ALKBH5: variants seen among roughly 807,000 people sequenced by gnomAD.
The protein encoded by ALKBH5 is RNA demethylase ALKBH5.
ALKBH5 carries 2 observed loss-of-function variants against 32.1 expected under a neutral mutation model. The observed-to-expected ratio is 0.06, with a 90% confidence interval of 0.03 to 0.20. ALKBH5 has a LOEUF of 0.20. Ranked by LOEUF, ALKBH5 falls within the 10% of genes least tolerant of loss-of-function variation. The pLI, the probability that ALKBH5 is intolerant of heterozygous loss-of-function variation, is 1.00. For synonymous variants in ALKBH5, 300 were observed against 231.7 expected (o/e 1.29, Z -2.68); for missense variants, 352 against 559.5 (o/e 0.63, Z 3.74).
At chr17:18,192,970 T>C (rs757903122) in intron 1 of ALKBH5, among the ~76,000 whole-genome samples, 1 of 149,880 alleles carries the variant, frequency 6.7e-6, no homozygotes, top group African/African-American at 2.5e-5. Context: ...GCGATTCTCC[T>C]GCCTCAGCCT....
chr17:18,209,480 C>T lies in ALKBH5; in HGVS notation c.*1084C>T, dbSNP rs1023975723. ...GGCCTGCAGACTGGGCTGGTGCCTCCTCCGCTTCAGGGTATGGGAGTTGGT... is the reference window on the plus strand; with the variant it reads ...GGCCTGCAGACTGGGCTGGTGCCTCTTCCGCTTCAGGGTATGGGAGTTGGT... On this transcript the variant is annotated 3_prime_UTR_variant, in exon 4 of 4. Coordinates refer to ENST00000399138, the MANE Select transcript of ALKBH5 (RefSeq NM_017758.4). 2.0e-5 allele frequency: 3 copies of T among 152,576 alleles called. No homozygotes were observed. Among genetic ancestry groups the T allele is most frequent in the East Asian group, 1.9e-4 (1 of 5,186 alleles). The allele number at this position is 152,576 out of a possible 1,614,324, so 9.5% of individuals were successfully genotyped here. A position where few individuals can be genotyped will look rare whatever the true frequency, so the allele number is the denominator to read the frequency against.
In ALKBH5 at chr17:18,208,432, C is replaced by G. The variant is rs1293669511; in HGVS notation, c.*36C>G. On this transcript the variant is annotated 3_prime_UTR_variant, in exon 4 of 4. Transcript: ENST00000399138. ...CGCCCTCCTGGGAACTCTGGCTCATCCTTACGTAGTTGCCCCTCCTTTTGT... is the reference window on the plus strand; with the variant it reads ...CGCCCTCCTGGGAACTCTGGCTCATGCTTACGTAGTTGCCCCTCCTTTTGT... 1.2e-6 allele frequency: 2 copies of G among 1,604,844 alleles called. No homozygotes were observed. Among genetic ancestry groups the G allele is most frequent in the African/African-American group, 1.4e-5 (1 of 73,976 alleles).
rs186522041 is a variant in ALKBH5 at position 18,189,161 on chromosome 17, A to T, written c.770+4148A>T. 2.1e-3 allele frequency among the ~76,000 whole-genome samples: 322 copies of T among 152,252 alleles called. 1 individual carries two copies. Among genetic ancestry groups the T allele is most frequent in the African/African-American group, 7.2e-3 (300 of 41,552 alleles). ...GGGAGGCCGAGGTGGGTGGATCACG[A>T]GGTCAGGACATCGAGACCATCCTGG... On this transcript the variant is annotated intron_variant, in intron 1 of 3. Coordinates refer to ENST00000399138, the MANE Select transcript of ALKBH5 (RefSeq NM_017758.4).
intron 1 of ALKBH5, 35 bp from the exon 2 acceptor site, chr17:18,194,920 C>T: frequency 6.2e-7 from 1 of 1,605,846 alleles, no homozygotes; most frequent in Non-Finnish European, 8.5e-7. Context: ...TGTCTGTCTA[C>T]TCTTCATGGT....
Position 18,206,851 on chromosome 17 carries a change from C to G in ALKBH5, c.888C>G (p.Ser296=). 6.2e-7 allele frequency: 1 copy of G among 1,614,220 alleles called. No homozygotes were observed. The highest frequency in any genetic ancestry group is 8.5e-7 in the Non-Finnish European group (1 of 1,180,034). Residue 296 remains serine (S), a synonymous_variant, in exon 3 of 4, where the codon TCC becomes TCG. Transcript: ENST00000399138. ...ATGCACCCCGGTTGGAAACAAAGTCCCTGAGCAGCTCCGTGTTACCACCCA... is the reference window on the plus strand; with the variant it reads ...ATGCACCCCGGTTGGAAACAAAGTCGCTGAGCAGCTCCGTGTTACCACCCA... ...RLDAPRLETK[S]LSSSVLPPSY...
In ALKBH5 at chr17:18,205,547, T is replaced by C. The variant is rs542033478; in HGVS notation, c.852-1268T>C. 1.4e-3 allele frequency among the ~76,000 whole-genome samples: 218 copies of C among 152,380 alleles called. 2 individuals are homozygous for C. The South Asian group carries it at 0.025, about 17-fold the overall frequency. ...TTAGGAGAGAGATTTCCTACCCACG[T>C]TCAGAGTAACTCTTGCCTGTCAGGC... On this transcript the variant is annotated intron_variant, in intron 2 of 3. Transcript: ENST00000399138.
chr17:18,206,456 G>A (rs1378212882), intron 2 of ALKBH5: 5 of 186,220 alleles, frequency 2.7e-5, no homozygotes, highest in Non-Finnish European at 3.4e-5. Context: ...TTGGTCCTCT[G>A]GCAAATGAAG....
At chr17:18,207,367 GA>G (rs34725573) in intron 3 of ALKBH5, among the ~76,000 whole-genome samples, 12 of 151,918 alleles carry the variant, frequency 7.9e-5, no homozygotes, top group African/African-American at 2.4e-4. Context: ...TTTTTTAAAG[GA>G]AAAAAAATGT....
In ALKBH5 at chr17:18,206,833, C is replaced by G; in HGVS notation, c.870C>G (p.Pro290=). ...TTTGCAGGACAAGATTAGATGCACCCCGGTTGGAAACAAAGTCCCTGAGCA... is the reference window on the plus strand; with the variant it reads ...TTTGCAGGACAAGATTAGATGCACCGCGGTTGGAAACAAAGTCCCTGAGCA... ...IILRKTRLDA[P]RLETKSLSSS... The change falls in exon 3 of 4, where the codon CCC becomes CCG. Residue 290 remains proline, a synonymous_variant. Transcript: ENST00000399138. The G allele has an allele frequency of 1.2e-6, 2 of 1,614,184 alleles. No homozygotes were observed. The highest frequency in any genetic ancestry group is 1.7e-5 in the Admixed American group (1 of 60,030).
chr17:18,188,958 T>C lies in ALKBH5; in HGVS notation c.770+3945T>C, dbSNP rs138841804. On this transcript the variant is annotated intron_variant, in intron 1 of 3. Coordinates refer to ENST00000399138, the MANE Select transcript of ALKBH5 (RefSeq NM_017758.4). The stretch of plus-strand genomic sequence containing the variant: ...AGTGTGCACCTCTAATCCCAGCTAC[T>C]CAGGAGGCTGAGGCAGGAGAATCAC... 7.1e-3 allele frequency among the ~76,000 whole-genome samples: 1,075 copies of C among 152,046 alleles called. 6 individuals carry two copies. The highest frequency in any genetic ancestry group is 8.1e-3 in the African/African-American group (336 of 41,448).
chr17:18,201,775 A>AGATAGATAGG (rs2047238062), intron 2 of ALKBH5, among the ~76,000 whole-genome samples: 1 of 141,770 alleles, frequency 7.1e-6, no homozygotes, highest in Admixed American at 7.1e-5. Context: ...AGATAGATAG[A>AGATAGATAGG]TAGATAGATA....
rs1234231812 is a variant in ALKBH5, at chr17:18,184,194, C to T, written c.-50C>T. 3 of 1,438,630 alleles carry T rather than the reference C, an allele frequency of 2.1e-6. No homozygotes were observed. The highest frequency in any genetic ancestry group is 1.4e-5 in the South Asian group (1 of 73,162). The allele number at this position is 1,438,630 out of a possible 1,614,324, so 89.1% of individuals were successfully genotyped here. On this transcript the variant is annotated 5_prime_UTR_variant, in exon 1 of 4. Coordinates refer to ENST00000399138, the MANE Select transcript of ALKBH5 (RefSeq NM_017758.4). ...GGGGCGCGTCCCCTTAGAGCCATGC[C>T]CGGCTGCCCCGCCCGCCCCGGAGGA...
intron 1 of ALKBH5, among the ~76,000 whole-genome samples, chr17:18,188,625 G>A (rs879398501): frequency 4.7e-4 from 71 of 152,234 alleles, no homozygotes; most frequent in Admixed American, 2.9e-3. Flanking sequence ...GCTGTGCACC[G>A]TCAGGAGGAG....
intron 2 of ALKBH5, among the ~76,000 whole-genome samples, chr17:18,201,786 G>GATAGGTAGATAGGTA (rs200689873): frequency 4.7e-5 from 4 of 84,374 alleles, no homozygotes; most frequent in Non-Finnish European, 7.3e-5. Flanking sequence ...TAGATAGATA[G>GATAGGTAGATAGGTA]GATAGATAAG....
rs907644430 is a variant in ALKBH5, at chr17:18,185,032, G to A, written c.770+19G>A. 4 of 1,597,048 alleles carry A rather than the reference G, an allele frequency of 2.5e-6. No individual in the cohort carries two copies. In the African/African-American group the frequency reaches 4.0e-5, roughly 16 times the overall value. On this transcript the variant is annotated intron_variant, in intron 1 of 3. Transcript: ENST00000399138. ...TGCTCAGGTAACCCACCCGGGTGGA[G>A]GGGGCGGCCCTGCGCCTGCTGCCTT...
chr17:18,201,192 C>T (rs957342574), intron 2 of ALKBH5, among the ~76,000 whole-genome samples: 1 of 152,194 alleles, frequency 6.6e-6, no homozygotes, highest in African/African-American at 2.4e-5. Flanking sequence ...CTCCTTTCTC[C>T]ATGATTTGTG....
intron 3 of ALKBH5, 88 bp downstream of exon 3, chr17:18,207,058 G>A: frequency 6.6e-7 from 1 of 1,514,750 alleles, no homozygotes; most frequent in Non-Finnish European, 8.9e-7. Flanking sequence ...GGCTGTTTAG[G>A]AGCCTTGGCT....
intron 2 of ALKBH5, among the ~76,000 whole-genome samples, chr17:18,198,311 A>G (rs1335779131): frequency 6.6e-6 from 1 of 152,202 alleles, no homozygotes; most frequent in Non-Finnish European, 1.5e-5. Flanking sequence ...ATCCCTGTTC[A>G]TCTGGGGCCT....
rs201845081 is a variant in ALKBH5, at chr17:18,184,521, G to A, written c.278G>A (p.Arg93His). ...RKVKSGIRQM[R>H]LFSQDECAKI... The stretch of plus-strand genomic sequence containing the variant: ...GTGAAGAGCGGCATCCGCCAGATGC[G>A]CCTCTTCAGCCAGGACGAGTGCGCC... The change falls in exon 1 of 4, where the codon CGC becomes CAC. Residue 93 changes from arginine to histidine, a missense_variant. Physicochemically the swap from Arg to His is conservative, Grantham distance 29. This residue lies in a region of ALKBH5 where 28 missense variants were observed against 53.1 expected (regional missense o/e 0.53). Coordinates refer to ENST00000399138, the MANE Select transcript of ALKBH5 (RefSeq NM_017758.4). 426 of 1,613,186 alleles carry A rather than the reference G, an allele frequency of 2.6e-4. No individual in the cohort carries two copies. Among genetic ancestry groups the A allele is most frequent in the Non-Finnish European group, 3.4e-4 (399 of 1,179,920 alleles).
Sources: gnomAD v4.1 joint callset for allele counts (sites outside exome capture counted in the v4.1 genomes callset) on GRCh38, gnomAD v4.1.1 for gene constraint, gnomAD v4.1.1 regional missense constraint, MANE v1.5 for transcripts, NCBI Gene and HGNC (gene_info 2026-07-23, HGNC 2026-07-21) for gene names.